LRPPRC: variants seen among roughly 807,000 people sequenced by gnomAD.
The protein encoded by LRPPRC is leucine-rich PPR motif-containing protein, mitochondrial.
LRPPRC carries 120 observed loss-of-function variants against 180.3 expected under a neutral mutation model. The ratio of observed to expected loss-of-function variants is 0.67; its 90% CI spans 0.57 to 0.77. The LOEUF is 0.77. LRPPRC is among the 30% of genes least tolerant of loss of function. LRPPRC has a pLI of 0.00. For missense variants in LRPPRC, 2,012 were observed against 1,657.2 expected (o/e 1.21, Z -3.72); for synonymous variants, 723 against 600.0 (o/e 1.21, Z -3.00).
rs534318811 is a variant in LRPPRC, at chr2:43,982,356, A to C, written c.228T>G (p.Ser76=). The C allele has an allele frequency of 6.2e-7, 1 of 1,613,900 alleles. No homozygotes were observed. Among genetic ancestry groups the C allele is most frequent in the African/African-American group, 1.3e-5 (1 of 75,036 alleles). The change falls in exon 2 of 38, where the codon TCT becomes TCG. Residue 76 remains serine (S), a synonymous_variant. Transcript: ENST00000260665. ...AATCAAACTGATTGGAAATCTTCCT[A>C]GAAGAAAAAGTGGACTCCTCTTGAA... ...KDIQEESTFS[S]RKISNQFDWA... is the part of the protein sequence containing the mutation.
chr2:43,894,993 T>C (rs1324119274), intron 35 of LRPPRC, among the ~76,000 whole-genome samples: 1 of 152,202 alleles, frequency 6.6e-6, no homozygotes, highest in Non-Finnish European at 1.5e-5. Context: ...GTTGATGAAA[T>C]TGTAAAGAAT....
upstream of LRPPRC, chr2:43,996,152 G>C: frequency 1.8e-6 from 1 of 541,798 alleles, no homozygotes; most frequent in South Asian, 2.3e-5. Flanking sequence ...AAACGATGTT[G>C]CTTGATTCAT....
intron 11 of LRPPRC, among the ~76,000 whole-genome samples, chr2:43,964,292 C>A (rs1317232628): frequency 6.6e-6 from 1 of 151,962 alleles, no homozygotes; most frequent in Non-Finnish European, 1.5e-5. Context: ...TCACAAAAAT[C>A]TCTTTTAATA....
chr2:43,928,469 C>A (rs2105047685), intron 25 of LRPPRC, among the ~76,000 whole-genome samples: 2 of 152,232 alleles, frequency 1.3e-5, no homozygotes, highest in South Asian at 4.1e-4. Context: ...ATTTTTCTTG[C>A]CACTTCTGCT....
In LRPPRC at chr2:43,967,680, C is replaced by T. The variant is rs534852696; in HGVS notation, c.1370-3974G>A. Among the ~76,000 whole-genome samples, 4 of 152,150 alleles carry T rather than the reference C, an allele frequency of 2.6e-5. No individual in the cohort carries two copies. In the South Asian group the frequency reaches 8.3e-4, roughly 32 times the overall value. On this transcript the variant is annotated intron_variant, in intron 11 of 37. Transcript: ENST00000260665. Reference sequence around the variant, plus strand: ...CTACACTCCAGCCTGGACAACAGAGCGAGACTCGGTCTCAAATAATAATAA... The same window carrying T: ...CTACACTCCAGCCTGGACAACAGAGTGAGACTCGGTCTCAAATAATAATAA...
At chr2:43,905,526 A>T (rs1671039850) in intron 31 of LRPPRC, among the ~76,000 whole-genome samples, 166 bp downstream of exon 31, 1 of 152,250 alleles carries the variant, frequency 6.6e-6, no homozygotes, top group Non-Finnish European at 1.5e-5. Flanking sequence ...TTCAAGCTGT[A>T]TTATAAATGC....
At chr2:43,992,704 T>A (rs960023061) in intron 1 of LRPPRC, among the ~76,000 whole-genome samples, 1 of 152,016 alleles carries the variant, frequency 6.6e-6, no homozygotes, top group African/African-American at 2.4e-5. Flanking sequence ...GAGAGATGAA[T>A]GGGAAAACAA....
chr2:43,903,165 A>G (rs957426678), intron 31 of LRPPRC: 6 of 152,176 alleles, frequency 3.9e-5, no homozygotes, highest in African/African-American at 1.2e-4. Context: ...CCTAAATCCT[A>G]TTCTCATATA....
chr2:43,892,637 C>A (rs1670532294), intron 36 of LRPPRC: 1 of 152,150 alleles, frequency 6.6e-6, no homozygotes, highest in Non-Finnish European at 1.5e-5. Flanking sequence ...AACATCCATT[C>A]TGCAGCCCAT....
At chr2:43,922,968 G>A (rs1490990141) in intron 27 of LRPPRC, among the ~76,000 whole-genome samples, 4 of 152,004 alleles carry the variant, frequency 2.6e-5, no homozygotes, top group Non-Finnish European at 1.5e-5. Flanking sequence ...GGATTCCACT[G>A]GCTTCCAGCC....
intron 23 of LRPPRC, among the ~76,000 whole-genome samples, chr2:43,937,232 G>A (rs969483000): frequency 3.3e-5 from 5 of 151,802 alleles, no homozygotes; most frequent in Non-Finnish European, 5.9e-5. Flanking sequence ...ATGGCAAAAT[G>A]GAAATAATTC....
At chr2:43,951,536 T>C (rs939412865) in intron 14 of LRPPRC, among the ~76,000 whole-genome samples, 5 of 152,228 alleles carry the variant, frequency 3.3e-5, no homozygotes, top group Admixed American at 1.3e-4. Context: ...TCAGGTATGA[T>C]ATTACGGTGG....
chr2:43,897,497 C>T (rs999889028), intron 34 of LRPPRC, among the ~76,000 whole-genome samples: 1 of 152,278 alleles, frequency 6.6e-6, no homozygotes, highest in South Asian at 2.1e-4. Context: ...CCACACAGAA[C>T]ATTTACATTA....
chr2:43,916,964 A>AC (rs1259367100), intron 29 of LRPPRC, among the ~76,000 whole-genome samples: 4 of 150,598 alleles, frequency 2.7e-5, no homozygotes, highest in Admixed American at 2.7e-4. Context: ...AAAAAAAAAA[A>AC]AAAAAGAATA....
At chr2:43,984,195 T>C (rs1327552104) in intron 1 of LRPPRC, among the ~76,000 whole-genome samples, 2 of 152,098 alleles carry the variant, frequency 1.3e-5, no homozygotes, top group African/African-American at 4.8e-5. Context: ...TTTTAAACTG[T>C]CCAGGACAAC....
At chr2:43,928,013 A>C (rs1206986716) in intron 25 of LRPPRC, among the ~76,000 whole-genome samples, 1 of 106,170 alleles carries the variant, frequency 9.4e-6, no homozygotes, top group Non-Finnish European at 1.8e-5. Context: ...TGGGATGTTA[A>C]ATATAACATG....
At chr2:43,939,068 C>A (rs946281150) in intron 23 of LRPPRC, among the ~76,000 whole-genome samples, 1 of 149,498 alleles carries the variant, frequency 6.7e-6, no homozygotes, top group African/African-American at 2.5e-5. Flanking sequence ...GTCAGGAGAT[C>A]GAGACCATCC....
chr2:43,943,646 T>C, intron 23 of LRPPRC, 41 bp downstream of exon 23: 1 of 1,526,144 alleles, frequency 6.6e-7, no homozygotes, highest in East Asian at 2.3e-5. Flanking sequence ...GACTCATTCT[T>C]TTAATGCCAA....
chr2:43,896,749 T>A, intron 34 of LRPPRC, 41 bp from the exon 35 acceptor site: 1 of 1,138,052 alleles, frequency 8.8e-7, no homozygotes, highest in Non-Finnish European at 1.3e-6. Flanking sequence ...AGGTTTCTGA[T>A]AAACAAGTGG....
Sources: gnomAD v4.1 joint callset for allele counts (sites outside exome capture counted in the v4.1 genomes callset) on GRCh38, gnomAD v4.1.1 for gene constraint, MANE v1.5 for transcripts, NCBI Gene and HGNC (gene_info 2026-07-23, HGNC 2026-07-21) for gene names.